The following COL12A1 variants were observed in gnomAD, a reference collection of about 807,000 sequenced individuals.
The protein encoded by COL12A1 is collagen type XII alpha 1 chain.
In COL12A1, 114 loss-of-function variants were observed where a neutral mutation model predicts 349.7. That is an observed-to-expected ratio of 0.33 (90% CI 0.28 to 0.38). The LOEUF is 0.38. Among genes scored for constraint, COL12A1 ranks in the 10% least tolerant of loss-of-function variants. The probability of loss-of-function intolerance (pLI) is 1.00; values close to 1 mark genes in which losing one functional copy is unlikely to be tolerated. For synonymous variants in COL12A1, 1,369 were observed against 1,329.0 expected (o/e 1.03, Z -0.66); for missense variants, 3,284 against 3,756.9 (o/e 0.87, Z 3.29).
chr6:75,179,772 T>C (rs76342976), intron 11 of COL12A1, among the ~76,000 whole-genome samples: 1,981 of 152,340 alleles, frequency 0.013, 40 homozygotes, highest in African/African-American at 0.046. Context: ...GCTATGCTTA[T>C]GTTAAAGAAT....
intron 49 of COL12A1, among the ~76,000 whole-genome samples, chr6:75,115,366 C>G (rs1194598621): frequency 6.6e-6 from 1 of 152,124 alleles, no homozygotes; most frequent in African/African-American, 2.4e-5. Context: ...ACTGTCTGAT[C>G]ATGGACAAGA....
rs755878864 is a variant in COL12A1, at chr6:75,155,688, G to A, written c.3417C>T (p.Asp1139=). The A allele has an allele frequency of 1.5e-5, 24 of 1,609,610 alleles. No individual in the cohort carries two copies. In the Admixed American group the frequency reaches 3.4e-4, roughly 23 times the overall value. Residue 1139 remains aspartate (D), a synonymous_variant, in exon 16 of 66, where the codon GAC becomes GAT. Transcript: ENST00000322507. ...RLGELVVGPY[D]NTVVLEELRA... ...TAAGTTCCTCCAAAACAACTGTGTT[G>A]TCATAGGGTCCAACCACTAACTCCC...
In COL12A1 at chr6:75,151,151, G is replaced by C. The variant is rs2149415183; in HGVS notation, c.4137C>G (p.Val1379=). ...DDLTINLCNS[V]KGPGDLEAPS... is the part of the protein sequence containing the mutation. ...CTGGGTTAAACTTACCTGGACCTTT[G>C]ACACTGTTACACAAATTAATGGTGA... Residue 1379 remains valine (V), a synonymous_variant, in exon 21 of 66, where the codon GTC becomes GTG. Transcript: ENST00000322507. The C allele has an allele frequency of 6.5e-7, 1 of 1,548,574 alleles. No homozygotes were observed. The highest frequency in any genetic ancestry group is 1.8e-5 in the Admixed American group (1 of 55,056).
Position 75,181,023 on chromosome 6 carries a change from C to G in COL12A1, c.2080G>C (p.Glu694Gln). The change falls in exon 11 of 66, where the codon GAG (glutamate) becomes CAG (glutamine). Residue 694 changes from glutamate (E) to glutamine (Q), a missense_variant. Coordinates refer to ENST00000322507, the MANE Select transcript of COL12A1 (RefSeq NM_004370.6). ...GTCACATTGACCAAATACAAGGTCT[C>G]TGGCTTCAGGCTGCTGAGAACAACA... Reference protein sequence around the residue: ...TSVVLSSLKPETLYLVNVTAE... With the variant: ...TSVVLSSLKPQTLYLVNVTAE... 2 of 1,614,146 alleles carry G rather than the reference C, an allele frequency of 1.2e-6. No individual in the cohort carries two copies. Among genetic ancestry groups the G allele is most frequent in the Admixed American group, 1.7e-5 (1 of 60,022 alleles).
intron 32 of COL12A1, 40 bp downstream of exon 32, chr6:75,134,686 T>C (rs766320870): frequency 3.9e-6 from 6 of 1,522,802 alleles, no homozygotes; most frequent in Non-Finnish European, 5.3e-6. Flanking sequence ...ATTCTAATAG[T>C]AGCTATTAAA....
At chr6:75,199,042 G>A (rs1255289389) in intron 2 of COL12A1, among the ~76,000 whole-genome samples, 2 of 152,056 alleles carry the variant, frequency 1.3e-5, no homozygotes, top group Non-Finnish European at 2.9e-5. Flanking sequence ...AGTTTTCAAG[G>A]TACCATAAAT....
chr6:75,172,613 A>G (rs1469942262), intron 13 of COL12A1, among the ~76,000 whole-genome samples: 1 of 152,236 alleles, frequency 6.6e-6, no homozygotes, highest in African/African-American at 2.4e-5. Context: ...AAAGGTCCAA[A>G]GAAAAGGACA....
At position 75,138,431 on chromosome 6, in the gene COL12A1, G is replaced by A. The variant is rs748885203; in HGVS notation, c.5230+17C>T. On this transcript the variant is annotated intron_variant, in intron 29 of 65. Coordinates refer to ENST00000322507, the MANE Select transcript of COL12A1 (RefSeq NM_004370.6). ...ACTTTAAAATATCAATGTCCTATTT[G>A]AAAGCTAAACACCTACGTGTGCGCT... 8 of 1,609,920 alleles carry A rather than the reference G, an allele frequency of 5.0e-6. 1 individual carries two copies. The South Asian group carries it at 6.7e-5, about 13-fold the overall frequency.
intron 16 of COL12A1, 92 bp downstream of exon 16, chr6:75,155,570 A>T: frequency 1.6e-6 from 2 of 1,227,308 alleles, no homozygotes; most frequent in South Asian, 2.9e-5. Flanking sequence ...CATATAAGTG[A>T]TATTTGTGTA....
chr6:75,198,974 T>G (rs1311763850), intron 2 of COL12A1, among the ~76,000 whole-genome samples: 2 of 152,248 alleles, frequency 1.3e-5, no homozygotes, highest in East Asian at 3.8e-4. Context: ...ACATTTGCCA[T>G]GCAAAATTAG....
At chr6:75,178,028 C>T in intron 11 of COL12A1, 93 bp from the exon 12 acceptor site, 1 of 1,186,594 alleles carries the variant, frequency 8.4e-7, no homozygotes, top group African/African-American at 1.6e-5. Flanking sequence ...CTAAATTATA[C>T]CATTTCTCTA....
chr6:75,100,350 G>A (rs1050325664), intron 58 of COL12A1, among the ~76,000 whole-genome samples: 3 of 152,134 alleles, frequency 2.0e-5, no homozygotes, highest in Non-Finnish European at 4.4e-5. Context: ...ACAAGGCTTC[G>A]GTCGTAGCAG....
At chr6:75,188,120 T>C (rs1270907014) in intron 8 of COL12A1, among the ~76,000 whole-genome samples, 1 of 151,906 alleles carries the variant, frequency 6.6e-6, no homozygotes, top group Non-Finnish European at 1.5e-5. Context: ...TCATAACTTG[T>C]CCCCCACCAA....
intron 15 of COL12A1, 62 bp downstream of exon 15, chr6:75,156,195 C>A: frequency 6.3e-7 from 1 of 1,577,512 alleles, no homozygotes; most frequent in Non-Finnish European, 8.6e-7. Flanking sequence ...AGTAGACATA[C>A]CAAAGTCATC....
rs1769050354 is a variant in COL12A1 at position 75,115,846 on chromosome 6, C to A, written c.7635G>T (p.Gly2545=). 3 of 1,613,610 alleles carry A rather than the reference C, an allele frequency of 1.9e-6. No individual in the cohort carries two copies. Among genetic ancestry groups the A allele is most frequent in the East Asian group, 2.2e-5 (1 of 44,870 alleles). ...TGTATGCTGAGTAGCTGGGGAAAGA[C>A]CCTGACTCCAAAGATACTCCTTGTA... ...ASVQGVSLES[G]SFPSYSAYRI... is the part of the protein sequence containing the mutation. Residue 2545 remains glycine, a synonymous_variant, in exon 49 of 66, where the codon GGG becomes GGT. Transcript: ENST00000322507.
chr6:75,119,597 A>C, intron 44 of COL12A1, 124 bp from the exon 45 acceptor site: 1 of 1,093,938 alleles, frequency 9.1e-7, no homozygotes. Context: ...ACCTGATAGA[A>C]TATTGTAAGC....
intron 14 of COL12A1, among the ~76,000 whole-genome samples, chr6:75,159,810 G>A (rs1767944613): frequency 6.6e-6 from 1 of 151,608 alleles, no homozygotes; most frequent in East Asian, 1.9e-4. Context: ...AAAAAAAAAT[G>A]GGATGCCAAG....
At chr6:75,124,812 A>G (rs966992474) in intron 40 of COL12A1, among the ~76,000 whole-genome samples, 1 of 152,154 alleles carries the variant, frequency 6.6e-6, no homozygotes, top group Admixed American at 6.6e-5. Flanking sequence ...GTCAAGAAGA[A>G]CTAAGTAGCA....
chr6:75,133,907 C>A lies in COL12A1; in HGVS notation c.5615G>T (p.Arg1872Leu). The A allele has an allele frequency of 6.2e-7, 1 of 1,614,022 alleles. No homozygotes were observed. Among genetic ancestry groups the A allele is most frequent in the Non-Finnish European group, 8.5e-7 (1 of 1,179,988 alleles). ...VRWDHAEGNPRQYKLFYAPAA... is the reference protein window; with the variant it reads ...VRWDHAEGNPLQYKLFYAPAA... ...TGGTGCATAGAAGAGCTTGTACTGA[C>A]GAGGATTTCCCTCTGCATGGTCCCA... Residue 1872 changes from arginine to leucine, a missense_variant, in exon 33 of 66, where the codon CGT becomes CTT. Around this residue, in one of 2 missense-constraint regions of COL12A1, gnomAD observed 2,601 missense variants for 2,824.8 expected, o/e 0.92. Coordinates refer to ENST00000322507, the MANE Select transcript of COL12A1 (RefSeq NM_004370.6).
Sources: gnomAD v4.1 joint callset for allele counts (sites outside exome capture counted in the v4.1 genomes callset) on GRCh38, gnomAD v4.1.1 for gene constraint, gnomAD v4.1.1 regional missense constraint, MANE v1.5 for transcripts, NCBI Gene and HGNC (gene_info 2026-07-23, HGNC 2026-07-21) for gene names.